The following PAGE2B variants were observed in gnomAD, a reference collection of about 807,000 sequenced individuals.
The protein encoded by PAGE2B is putative G antigen family E member 3.
A neutral mutation model predicts 7.6 loss-of-function variants in PAGE2B; 5 were observed. The ratio of observed to expected loss-of-function variants is 0.66; its 90% confidence interval spans 0.34 to 1.38. The LOEUF (loss-of-function observed/expected upper bound fraction) is 1.38, where lower values mean the gene tolerates loss of function less well. Among genes scored for constraint, PAGE2B ranks in the 40% most tolerant of loss-of-function variants. The pLI is 0.04. For synonymous variants in PAGE2B, 29 were observed against 26.7 expected, an observed-to-expected ratio of 1.09 and a Z score of -0.27; for missense variants, 70 against 78.4, an observed-to-expected ratio of 0.89 and a Z score of 0.41.
At chrX:55,071,447 G>T (rs1021714640), upstream of PAGE2B, among the ~76,000 whole-genome samples, 1 of 111,579 alleles carries the variant, frequency 9.0e-6, no homozygotes, top group Non-Finnish European at 1.9e-5. Flanking sequence ...TCCCTTTGTG[G>T]GTAACCTGAC....
At chrX:55,066,958 G>C in the PAGE2B span, among the ~76,000 whole-genome samples, 3 of 110,423 alleles carry the variant, frequency 2.7e-5, no homozygotes, top group Non-Finnish European at 3.8e-5. Flanking sequence ...AAATCTTTTA[G>C]GCATGCTTAA....
At chrX:55,028,708 C>T in the PAGE2B span, among the ~76,000 whole-genome samples, 1 of 111,884 alleles carries the variant, frequency 8.9e-6, no homozygotes, top group Non-Finnish European at 1.9e-5. Context: ...CTCTGCCTCA[C>T]TCTGCCTGGC....
At chrX:55,038,246 C>T in the PAGE2B span, among the ~76,000 whole-genome samples, 1 of 110,348 alleles carries the variant, frequency 9.1e-6, no homozygotes, top group South Asian at 3.8e-4. Context: ...AAAAATTTTG[C>T]CTTTCCCCAT....
chrX:55,043,819 G>A, the PAGE2B span, among the ~76,000 whole-genome samples: 7 of 109,459 alleles, frequency 6.4e-5, no homozygotes, highest in Non-Finnish European at 1.1e-4. Context: ...ATACAAAATC[G>A]GGCGAGTGTG....
At chrX:55,034,022 A>G in the PAGE2B span, among the ~76,000 whole-genome samples, 4 of 112,201 alleles carry the variant, frequency 3.6e-5, no homozygotes, top group African/African-American at 1.3e-4. Flanking sequence ...CATTTTATCC[A>G]ATATCTCTGT....
At chrX:55,030,461 TGCTGTCAG>T in the PAGE2B span, among the ~76,000 whole-genome samples, 1 of 111,553 alleles carries the variant, frequency 9.0e-6, no homozygotes, top group Non-Finnish European at 1.9e-5. Flanking sequence ...CACTGAGCTC[TGCTGTCAG>T]CCCAGCAGGT....
At chrX:55,041,874 G>A in the PAGE2B span, among the ~76,000 whole-genome samples, 7 of 111,542 alleles carry the variant, frequency 6.3e-5, no homozygotes, top group Non-Finnish European at 9.4e-5. Flanking sequence ...GCTCAGACCC[G>A]GCAGCAAAAT....
chrX:55,050,833 G>T, the PAGE2B span, among the ~76,000 whole-genome samples: 1 of 111,505 alleles, frequency 9.0e-6, no homozygotes, highest in African/African-American at 3.3e-5. Context: ...TGTTATGTGT[G>T]AATTTGATCC....
the PAGE2B span, among the ~76,000 whole-genome samples, chrX:55,044,007 T>C: frequency 2.7e-3 from 293 of 107,316 alleles, 1 homozygote; most frequent in African/African-American, 9.7e-3. Flanking sequence ...ATAATAGATG[T>C]TGGCATGGAT....
At chrX:55,033,369 C>T in the PAGE2B span, among the ~76,000 whole-genome samples, 3 of 111,456 alleles carry the variant, frequency 2.7e-5, no homozygotes, top group African/African-American at 9.8e-5. Flanking sequence ...CCTGGTCCAG[C>T]TGAGCCCGTG....
At chrX:55,033,750 G>T in the PAGE2B span, among the ~76,000 whole-genome samples, 4 of 112,119 alleles carry the variant, frequency 3.6e-5, no homozygotes, top group Non-Finnish European at 7.5e-5. Flanking sequence ...TGACTTAGGA[G>T]TTTCAACTTT....
chrX:55,034,792 ATATT>A, the PAGE2B span, among the ~76,000 whole-genome samples: 1 of 108,144 alleles, frequency 9.2e-6, no homozygotes, highest in African/African-American at 3.4e-5. Flanking sequence ...ATACATATAT[ATATT>A]TATGTATATA....
chrX:55,032,071 TC>T, the PAGE2B span, among the ~76,000 whole-genome samples: 34 of 111,631 alleles, frequency 3.0e-4, no homozygotes, highest in Non-Finnish European at 6.0e-4. Context: ...CCAAGGATTT[TC>T]CCCCCTCCAT....
At chrX:55,036,748 A>T in the PAGE2B span, among the ~76,000 whole-genome samples, 1 of 109,240 alleles carries the variant, frequency 9.2e-6, no homozygotes, top group Non-Finnish European at 1.9e-5. Flanking sequence ...ATAATGCTGT[A>T]TATCTACAAC....
chrX:55,048,668 T>G, the PAGE2B span, among the ~76,000 whole-genome samples: 1 of 111,962 alleles, frequency 8.9e-6, no homozygotes, highest in Non-Finnish European at 1.9e-5. Flanking sequence ...ATCCTGAGAC[T>G]TTGCTGAAGT....
chrX:55,059,009 A>C, the PAGE2B span, among the ~76,000 whole-genome samples: 7 of 111,515 alleles, frequency 6.3e-5, no homozygotes, highest in Non-Finnish European at 1.1e-4. Flanking sequence ...CTTCACAAAA[A>C]AAAAGGAGAA....
chrX:55,072,973 T>A (rs1420870643), upstream of PAGE2B, among the ~76,000 whole-genome samples: 1 of 111,525 alleles, frequency 9.0e-6, no homozygotes. Flanking sequence ...CAATGAGAAT[T>A]TCAAGCCAGT....
intron 3 of PAGE2B, among the ~76,000 whole-genome samples, chrX:55,077,149 C>T (rs755608507): frequency 1.8e-5 from 2 of 111,611 alleles, no homozygotes; most frequent in African/African-American, 3.3e-5. Flanking sequence ...TCAAACAAAT[C>T]GCTGATTTAA....
the PAGE2B span, among the ~76,000 whole-genome samples, chrX:55,056,180 C>G: frequency 5.4e-5 from 6 of 111,344 alleles, no homozygotes; most frequent in African/African-American, 2.0e-4. Flanking sequence ...CGAGTCCCCT[C>G]CTTTCAATTA....
Sources: gnomAD v4.1 joint callset for allele counts (sites outside exome capture counted in the v4.1 genomes callset) on GRCh38, gnomAD v4.1.1 for gene constraint, MANE v1.5 for transcripts, NCBI Gene and HGNC (gene_info 2026-07-23, HGNC 2026-07-21) for gene names.